ZNF362: variants seen among roughly 807,000 people sequenced by gnomAD.
ZNF362 encodes rotund homolog.
Under a neutral mutation model 42.9 loss-of-function variants are expected in ZNF362, and 11 were observed. The observed-to-expected ratio is 0.26, with a 90% CI of 0.16 to 0.42. The LOEUF is 0.42. ZNF362 is among the 20% of genes least tolerant of loss of function. The probability of loss-of-function intolerance (pLI) is 1.00; values close to 1 mark genes in which losing one functional copy is unlikely to be tolerated. For synonymous variants in ZNF362, 255 were observed against 257.3 expected, an observed-to-expected ratio of 0.99 and a Z score of 0.09; for missense variants, 362 against 576.2, an observed-to-expected ratio of 0.63 and a Z score of 3.81.
the ZNF362 span, among the ~76,000 whole-genome samples, chr1:33,246,043 AGAGCCTTAG>A: frequency 2.0e-5 from 3 of 152,202 alleles, no homozygotes; most frequent in East Asian, 3.8e-4. Flanking sequence ...AGACAGGATT[AGAGCCTTAG>A]GAGCCTTAGG....
At chr1:33,273,422 G>C (rs1257703534) in intron 2 of ZNF362, among the ~76,000 whole-genome samples, 1 of 152,174 alleles carries the variant, frequency 6.6e-6, no homozygotes, top group African/African-American at 2.4e-5. Flanking sequence ...TCCCAGCTGT[G>C]GTACCCTGGG....
At chr1:33,197,749 G>C in the ZNF362 span, among the ~76,000 whole-genome samples, 1 of 152,078 alleles carries the variant, frequency 6.6e-6, no homozygotes, top group East Asian at 1.9e-4. Flanking sequence ...GAGTTTGCCG[G>C]GCAGAGTCCC....
the ZNF362 span, among the ~76,000 whole-genome samples, chr1:33,170,377 C>T: frequency 2.0e-5 from 3 of 151,512 alleles, no homozygotes; most frequent in East Asian, 1.9e-4. Context: ...GGTGACAGAG[C>T]GAGACCCCAT....
At chr1:33,189,661 A>ATATATATATATG in the ZNF362 span, among the ~76,000 whole-genome samples, 2 of 20,014 alleles carry the variant, frequency 1.0e-4, no homozygotes, top group Non-Finnish European at 2.9e-4. Flanking sequence ...ATATATATAT[A>ATATATATATATG]TATATATATA....
At chr1:33,261,622 G>C (rs1645828464) in intron 1 of ZNF362, 1 of 152,196 alleles carries the variant, frequency 6.6e-6, no homozygotes, top group Non-Finnish European at 1.5e-5. Flanking sequence ...GGTCAGGCTT[G>C]GTGTACTCAG....
chr1:33,263,228 C>T (rs527586986), intron 1 of ZNF362, among the ~76,000 whole-genome samples: 59 of 152,340 alleles, frequency 3.9e-4, no homozygotes, highest in African/African-American at 1.3e-3. Flanking sequence ...CCTGGATCTA[C>T]TGGAAATGGT....
chr1:33,157,886 A>G, the ZNF362 span, among the ~76,000 whole-genome samples: 2 of 151,920 alleles, frequency 1.3e-5, no homozygotes, highest in African/African-American at 4.8e-5. Context: ...CCTCTCGAGT[A>G]GCTGGGATTA....
chr1:33,221,484 G>A, the ZNF362 span, among the ~76,000 whole-genome samples: 2 of 152,142 alleles, frequency 1.3e-5, no homozygotes, highest in Non-Finnish European at 2.9e-5. Flanking sequence ...GGTTGCTGCC[G>A]TCTTTGTATA....
chr1:33,276,826 A>G (rs1005264150), intron 4 of ZNF362, among the ~76,000 whole-genome samples: 9 of 152,228 alleles, frequency 5.9e-5, no homozygotes, highest in African/African-American at 2.2e-4. Context: ...ACACGACAGG[A>G]GCCGGTCACT....
At chr1:33,232,289 G>C in the ZNF362 span, among the ~76,000 whole-genome samples, 10 of 151,972 alleles carry the variant, frequency 6.6e-5, no homozygotes, top group African/African-American at 2.4e-4. Flanking sequence ...TTCTGAGACA[G>C]GGTCTCACTC....
intron 6 of ZNF362, among the ~76,000 whole-genome samples, chr1:33,289,949 C>T (rs1030289837): frequency 1.3e-5 from 2 of 152,102 alleles, no homozygotes; most frequent in Non-Finnish European, 2.9e-5. Flanking sequence ...CTTGTATGCT[C>T]AGATCAGGAG....
Position 33,281,977 on chromosome 1 carries a change from C to T in ZNF362, c.908+166C>T, listed in dbSNP as rs569523615. On this transcript the variant is annotated intron_variant, in intron 6 of 8. Transcript: ENST00000539719. The surrounding 1 kb of genome is among the most constrained non-coding windows in gnomAD (Gnocchi z 4.8). Reference sequence around the variant, plus strand: ...CTGGCCTCAGCTGTTGTTACTGCACCCCGTCCCCACTGTTTCTCATCTCTA... The same window carrying T: ...CTGGCCTCAGCTGTTGTTACTGCACTCCGTCCCCACTGTTTCTCATCTCTA... The T allele has an allele frequency of 3.1e-6, 2 of 638,972 alleles. No individual in the cohort carries two copies. Among genetic ancestry groups the T allele is most frequent in the African/African-American group, 1.8e-5 (1 of 54,808 alleles). 39.6% of individuals were successfully genotyped at this position (638,972 alleles called of 1,614,324 possible). A position where few individuals can be genotyped will look rare whatever the true frequency, so the allele number is the denominator to read the frequency against.
chr1:33,158,257 G>A, the ZNF362 span: 1 of 1,613,748 alleles, frequency 6.2e-7, no homozygotes, highest in Admixed American at 1.7e-5. Flanking sequence ...CCTTACCTGG[G>A]TGGATGTCCT....
the ZNF362 span, chr1:33,181,364 G>A: frequency 6.3e-7 from 1 of 1,597,352 alleles, no homozygotes. The surrounding 1 kb of genome is among the most constrained non-coding windows in gnomAD (Gnocchi z 6.5). Context: ...CGCAGCCCAG[G>A]CTCACCGGGT....
the ZNF362 span, among the ~76,000 whole-genome samples, chr1:33,180,622 C>A: frequency 1.1e-4 from 16 of 152,352 alleles, no homozygotes; most frequent in Non-Finnish European, 1.5e-4. Flanking sequence ...CGCGACCTCG[C>A]CCTCAGTCTG....
At chr1:33,181,704 G>A in the ZNF362 span, 1 of 509,574 alleles carries the variant, frequency 2.0e-6, no homozygotes, top group South Asian at 2.3e-5. The surrounding 1 kb of genome is among the most constrained non-coding windows in gnomAD (Gnocchi z 6.5). Flanking sequence ...GAGGCTGTGA[G>A]CGGCTGAGGG....
At chr1:33,147,190 G>T in the ZNF362 span, 2 of 1,613,586 alleles carry the variant, frequency 1.2e-6, no homozygotes, top group Non-Finnish European at 8.5e-7. The surrounding 1 kb of genome is among the most constrained non-coding windows in gnomAD (Gnocchi z 8.1). Context: ...GATGCGGACG[G>T]TGTTGATCCG....
the ZNF362 span, among the ~76,000 whole-genome samples, chr1:33,151,150 G>C: frequency 0.22 from 33,752 of 152,052 alleles, 3,842 homozygotes; most frequent in South Asian, 0.3. Flanking sequence ...GCTCTCCGTG[G>C]GTCTGAGACC....
chr1:33,137,253 G>C, the ZNF362 span, among the ~76,000 whole-genome samples: 1 of 152,122 alleles, frequency 6.6e-6, no homozygotes, highest in African/African-American at 2.4e-5. Flanking sequence ...CACAGCCCTG[G>C]GTTCAAATGT....
Sources: gnomAD v4.1 joint callset for allele counts (sites outside exome capture counted in the v4.1 genomes callset) on GRCh38, gnomAD v4.1.1 for gene constraint, Gnocchi (gnomAD v3.1) non-coding constraint, MANE v1.5 for transcripts, NCBI Gene and HGNC (gene_info 2026-07-23, HGNC 2026-07-21) for gene names.